Variants in ZFPM2 observed in about 807,000 individuals in gnomAD.
The protein encoded by ZFPM2 is zinc finger protein ZFPM2.
ZFPM2 carries 20 observed loss-of-function variants against 98.6 expected under a neutral mutation model. That is an observed-to-expected ratio of 0.20 (90% CI 0.14 to 0.29). ZFPM2 has a LOEUF of 0.29. ZFPM2 is among the 10% of genes least tolerant of loss of function. ZFPM2 has a pLI of 1.00. For synonymous variants in ZFPM2, 518 were observed against 502.7 expected, an observed-to-expected ratio of 1.03 and a Z score of -0.41; for missense variants, 1,310 against 1,388.6, an observed-to-expected ratio of 0.94 and a Z score of 0.90.
intron 5 of ZFPM2, among the ~76,000 whole-genome samples, chr8:105,726,663 T>C (rs1304804859): frequency 2.0e-5 from 3 of 151,748 alleles, no homozygotes; most frequent in Non-Finnish European, 4.4e-5. Flanking sequence ...ATACTCAATC[T>C]CCATGGAGTG....
chr8:105,471,829 A>C (rs1036397644), intron 3 of ZFPM2, among the ~76,000 whole-genome samples: 2 of 152,170 alleles, frequency 1.3e-5, no homozygotes, highest in African/African-American at 4.8e-5. Context: ...TCAGAACACT[A>C]TCAGAACTCT....
At chr8:105,546,513 G>A (rs1453373942) in intron 3 of ZFPM2, among the ~76,000 whole-genome samples, 1 of 148,046 alleles carries the variant, frequency 6.8e-6, no homozygotes, top group African/African-American at 2.5e-5. Context: ...AGGTTGCTGT[G>A]AGCCAAGACA....
chr8:105,579,832 CT>C (rs1815549579), intron 4 of ZFPM2, among the ~76,000 whole-genome samples: 2 of 151,956 alleles, frequency 1.3e-5, no homozygotes, highest in Admixed American at 6.6e-5. Flanking sequence ...TTTGTTTAAT[CT>C]TTTGCAAAAT....
chr8:105,617,699 A>G (rs183337114), intron 4 of ZFPM2, among the ~76,000 whole-genome samples: 34 of 152,314 alleles, frequency 2.2e-4, no homozygotes, highest in Admixed American at 2.0e-3. Context: ...AGATAATACC[A>G]TTCTTCATTT....
At chr8:105,627,068 C>T (rs1811976562) in intron 4 of ZFPM2, among the ~76,000 whole-genome samples, 1 of 152,076 alleles carries the variant, frequency 6.6e-6, no homozygotes, top group African/African-American at 2.4e-5. Flanking sequence ...ATCCCTGGGA[C>T]AACATTATGT....
rs548421313 is a variant in ZFPM2 at position 105,778,631 on chromosome 8, G to A, written c.533-10087G>A. Among the ~76,000 whole-genome samples, 5 of 152,254 alleles carry A rather than the reference G, an allele frequency of 3.3e-5. No individual in the cohort carries two copies. In the East Asian group the frequency reaches 9.6e-4, roughly 29 times the overall value. On this transcript the variant is annotated intron_variant, in intron 5 of 7. Coordinates refer to ENST00000407775, the MANE Select transcript of ZFPM2 (RefSeq NM_012082.4). ...CCAATGTGTAATCGTCATTAACTAA[G>A]TGCTTGTCATCAGTTGACCATCTTT...
At chr8:105,559,902 A>G (rs1462123025) in intron 3 of ZFPM2, among the ~76,000 whole-genome samples, 1 of 152,126 alleles carries the variant, frequency 6.6e-6, no homozygotes, top group Non-Finnish European at 1.5e-5. Flanking sequence ...CATGACATAT[A>G]GCATTTAGAA....
chr8:105,639,833 C>T (rs1217275390), intron 5 of ZFPM2, among the ~76,000 whole-genome samples: 1 of 151,950 alleles, frequency 6.6e-6, no homozygotes, highest in Non-Finnish European at 1.5e-5. Context: ...TTTGAACCCA[C>T]AGAATATTTG....
chr8:105,355,758 C>T (rs1301669245), intron 1 of ZFPM2, among the ~76,000 whole-genome samples: 1 of 152,156 alleles, frequency 6.6e-6, no homozygotes, highest in Non-Finnish European at 1.5e-5. Flanking sequence ...TTTTGACCAA[C>T]ATAGTTTAGG....
At position 105,798,737 on chromosome 8, in the gene ZFPM2, T is replaced by C. The variant is rs1219245719; in HGVS notation, c.753T>C (p.Pro251=). 3.1e-6 allele frequency: 5 copies of C among 1,613,568 alleles called. No homozygotes were observed. Among genetic ancestry groups the C allele is most frequent in the Non-Finnish European group, 4.2e-6 (5 of 1,179,672 alleles). ...TTTTACCTGCAGAGGATATATTCCC[T>C]TGCAAGTCCTGTGGCATCTGGTATC... ...PTAIVNKDIF[P]CKSCGIWYRS... The change falls in exon 7 of 8, where the codon CCT becomes CCC. Residue 251 remains proline (P), a synonymous_variant. Transcript: ENST00000407775.
intron 1 of ZFPM2, among the ~76,000 whole-genome samples, chr8:105,352,905 G>C (rs1466766883): frequency 6.6e-6 from 1 of 152,016 alleles, no homozygotes; most frequent in Non-Finnish European, 1.5e-5. Context: ...ATACCAGTCA[G>C]TTACAGTGAG....
At chr8:105,354,131 A>G (rs909439127) in intron 1 of ZFPM2, among the ~76,000 whole-genome samples, 1 of 152,214 alleles carries the variant, frequency 6.6e-6, no homozygotes, top group Non-Finnish European at 1.5e-5. Context: ...ACACGAAGAA[A>G]TGTGATTAAG....
chr8:105,386,562 G>A (rs1406471179), intron 1 of ZFPM2, among the ~76,000 whole-genome samples: 1 of 152,148 alleles, frequency 6.6e-6, no homozygotes, highest in Non-Finnish European at 1.5e-5. Flanking sequence ...GAGTGAAGCT[G>A]CAGACCTTTT....
At chr8:105,521,271 G>A (rs964813360) in intron 3 of ZFPM2, among the ~76,000 whole-genome samples, 12 of 151,772 alleles carry the variant, frequency 7.9e-5, no homozygotes, top group African/African-American at 2.9e-4. Context: ...TCTAGAAGAT[G>A]GAAAGTAAAT....
At chr8:105,606,365 T>C (rs954224583) in intron 4 of ZFPM2, among the ~76,000 whole-genome samples, 6 of 152,024 alleles carry the variant, frequency 3.9e-5, no homozygotes, top group African/African-American at 1.4e-4. Context: ...TCCATATCTT[T>C]TTTTCATTTG....
At chr8:105,746,959 C>T (rs1379552958) in intron 5 of ZFPM2, among the ~76,000 whole-genome samples, 1 of 151,978 alleles carries the variant, frequency 6.6e-6, no homozygotes, top group Non-Finnish European at 1.5e-5. Flanking sequence ...TTATTTTCCT[C>T]TGAAATATAT....
At chr8:105,574,088 C>G (rs74501104) in intron 4 of ZFPM2, among the ~76,000 whole-genome samples, 4,235 of 152,264 alleles carry the variant, frequency 0.028, 202 homozygotes, top group African/African-American at 0.097. Context: ...ATTCCCCAAG[C>G]AGTGCATCTA....
intron 4 of ZFPM2, among the ~76,000 whole-genome samples, chr8:105,563,580 G>A (rs35778552): frequency 0.12 from 18,328 of 152,128 alleles, 1,185 homozygotes; most frequent in Admixed American, 0.17. Context: ...AGTTGATTGA[G>A]TTGTATTAAC....
At chr8:105,799,072 C>G in intron 7 of ZFPM2, 124 bp downstream of exon 7, 1 of 877,282 alleles carries the variant, frequency 1.1e-6, no homozygotes, top group Middle Eastern at 3.3e-4. Context: ...CAAAATCAAA[C>G]TTTCTGGGTC....
Sources: gnomAD v4.1 joint callset for allele counts (sites outside exome capture counted in the v4.1 genomes callset) on GRCh38, gnomAD v4.1.1 for gene constraint, MANE v1.5 for transcripts, NCBI Gene and HGNC (gene_info 2026-07-23, HGNC 2026-07-21) for gene names.